TMC1: variants seen among roughly 807,000 people sequenced by gnomAD.
The protein encoded by TMC1 is transmembrane channel-like protein 1.
A neutral mutation model predicts 105.8 loss-of-function variants in TMC1; 84 were observed. That is an observed-to-expected ratio of 0.79 (90% CI 0.67 to 0.95). The LOEUF (loss-of-function observed/expected upper bound fraction) is 0.95. Among genes scored for constraint, TMC1 ranks in the 40% least tolerant of loss-of-function variants. The pLI is 0.00. For missense variants in TMC1, 817 were observed against 914.1 expected, an observed-to-expected ratio of 0.89 and a Z score of 1.37; for synonymous variants, 315 against 311.5, an observed-to-expected ratio of 1.01 and a Z score of -0.12.
intron 4 of TMC1, among the ~76,000 whole-genome samples, chr9:72,640,633 T>G (rs1224115794): frequency 7.2e-6 from 1 of 139,014 alleles, no homozygotes; most frequent in Non-Finnish European, 1.6e-5. Context: ...TTGTTTTTTG[T>G]TTTTTGTTTT....
chr9:72,568,167 C>T (rs1824199564), intron 1 of TMC1, among the ~76,000 whole-genome samples: 1 of 151,864 alleles, frequency 6.6e-6, no homozygotes, highest in African/African-American at 2.4e-5. Context: ...ATCCTTTCCC[C>T]AAATTTACTG....
chr9:72,636,160 A>C (rs1168372803), intron 4 of TMC1, among the ~76,000 whole-genome samples: 1 of 152,208 alleles, frequency 6.6e-6, no homozygotes, highest in African/African-American at 2.4e-5. Flanking sequence ...TTCTAAGTAT[A>C]GATGGTCAAG....
intron 5 of TMC1, among the ~76,000 whole-genome samples, chr9:72,659,951 T>A (rs934077139): frequency 1.3e-5 from 2 of 152,306 alleles, no homozygotes; most frequent in African/African-American, 4.8e-5. Flanking sequence ...ATCATTGCTT[T>A]CTAACTTTGA....
At chr9:72,762,224 CA>C (rs1373095677) in intron 12 of TMC1, among the ~76,000 whole-genome samples, 6 of 152,138 alleles carry the variant, frequency 3.9e-5, no homozygotes, top group African/African-American at 1.2e-4. Context: ...TATTGGTTAG[CA>C]ATAACCCAGC....
chr9:72,663,961 A>G (rs145851580), intron 5 of TMC1, among the ~76,000 whole-genome samples: 2 of 152,278 alleles, frequency 1.3e-5, no homozygotes, highest in Non-Finnish European at 2.9e-5. Flanking sequence ...TGGATCATCA[A>G]TATCATTATC....
intron 10 of TMC1, among the ~76,000 whole-genome samples, chr9:72,745,475 C>T (rs1023195297): frequency 2.0e-5 from 3 of 151,940 alleles, no homozygotes; most frequent in African/African-American, 7.2e-5. Context: ...TTTTCTTGAT[C>T]GTTATCAAGG....
In TMC1 at chr9:72,648,620, C is replaced by T. The variant is rs770418317; in HGVS notation, c.-29C>T. ...AGTCCCTCTCCAAACTAGCCAGCCA[C>T]TGAGACCTTCTGACAGGACACCCCC... On this transcript the variant is annotated 5_prime_UTR_variant, in exon 5 of 24. Transcript: ENST00000297784. The T allele has an allele frequency of 3.1e-6, 5 of 1,611,802 alleles. No individual in the cohort carries two copies. Among genetic ancestry groups the T allele is most frequent in the Non-Finnish European group, 4.2e-6 (5 of 1,177,948 alleles).
intron 3 of TMC1, among the ~76,000 whole-genome samples, chr9:72,623,767 C>G (rs934526831): frequency 6.6e-6 from 1 of 152,116 alleles, no homozygotes; most frequent in African/African-American, 2.4e-5. Flanking sequence ...GTAACTGAGC[C>G]TTTACCAGGC....
intron 2 of TMC1, among the ~76,000 whole-genome samples, chr9:72,597,742 G>C (rs567524779): frequency 6.6e-6 from 1 of 152,070 alleles, no homozygotes; most frequent in African/African-American, 2.4e-5. Flanking sequence ...AATAACAACC[G>C]CGTACTAATA....
intron 1 of TMC1, among the ~76,000 whole-genome samples, chr9:72,576,886 C>T (rs1329571864): frequency 6.6e-6 from 1 of 151,762 alleles, no homozygotes; most frequent in Non-Finnish European, 1.5e-5. Context: ...GCCTTGGCTT[C>T]CCAAAGTGCT....
At chr9:72,716,289 G>A (rs563246027) in intron 8 of TMC1, among the ~76,000 whole-genome samples, 1 of 152,322 alleles carries the variant, frequency 6.6e-6, no homozygotes, top group Admixed American at 6.5e-5. Flanking sequence ...CTGGAACCCA[G>A]TGTTGGGAAA....
intron 4 of TMC1, 189 bp downstream of exon 4, chr9:72,628,252 T>C (rs1042091350): frequency 4.6e-5 from 14 of 302,726 alleles, no homozygotes; most frequent in Non-Finnish European, 9.3e-5. Flanking sequence ...ATGTGGGACT[T>C]AAAAACAGCT....
chr9:72,812,529 T>C (rs149987220), intron 18 of TMC1, among the ~76,000 whole-genome samples: 3 of 152,248 alleles, frequency 2.0e-5, no homozygotes, highest in Admixed American at 2.0e-4. Flanking sequence ...AGATCAGTGC[T>C]TCTGGAATTT....
chr9:72,740,854 T>C (rs72733054), intron 9 of TMC1, among the ~76,000 whole-genome samples: 14,471 of 152,216 alleles, frequency 0.095, 831 homozygotes, highest in Non-Finnish European at 0.14. Flanking sequence ...AACTTTCATA[T>C]ATATATATAC....
chr9:72,815,297 TG>T (rs1340017188), intron 18 of TMC1, among the ~76,000 whole-genome samples: 1 of 152,210 alleles, frequency 6.6e-6, no homozygotes. Flanking sequence ...GTGGCTCCTC[TG>T]TACAAAAAAC....
At chr9:72,593,945 T>C (rs1824679290) in intron 2 of TMC1, among the ~76,000 whole-genome samples, 1 of 152,094 alleles carries the variant, frequency 6.6e-6, no homozygotes, top group Non-Finnish European at 1.5e-5. Context: ...GTTACTAATA[T>C]GGCGATGGTA....
chr9:72,692,563 A>T (rs957215526), intron 6 of TMC1, among the ~76,000 whole-genome samples: 3 of 152,120 alleles, frequency 2.0e-5, no homozygotes, highest in African/African-American at 7.2e-5. Context: ...GTTTAGTTTT[A>T]ATACAAAAAA....
At chr9:72,643,731 C>G (rs552829491) in intron 4 of TMC1, among the ~76,000 whole-genome samples, 1 of 152,150 alleles carries the variant, frequency 6.6e-6, no homozygotes, top group African/African-American at 2.4e-5. Flanking sequence ...TTGGCTGTGA[C>G]AAAGATTCAT....
At chr9:72,534,202 A>T (rs975697591) in intron 1 of TMC1, among the ~76,000 whole-genome samples, 2 of 152,180 alleles carry the variant, frequency 1.3e-5, no homozygotes, top group Non-Finnish European at 2.9e-5. Flanking sequence ...ATTTCCCAAC[A>T]TTAAGTGTCA....
Sources: gnomAD v4.1 joint callset for allele counts (sites outside exome capture counted in the v4.1 genomes callset) on GRCh38, gnomAD v4.1.1 for gene constraint, MANE v1.5 for transcripts, NCBI Gene and HGNC (gene_info 2026-07-23, HGNC 2026-07-21) for gene names.